Variants in KCNH7 observed in about 807,000 individuals in gnomAD.
The protein encoded by KCNH7 is voltage-gated inwardly rectifying potassium channel KCNH7.
A neutral mutation model predicts 120.8 loss-of-function variants in KCNH7; 49 were observed. That is an observed-to-expected ratio of 0.41 (90% CI 0.32 to 0.51). KCNH7 has a LOEUF of 0.51. KCNH7 is among the 20% of genes least tolerant of loss of function. KCNH7 has a pLI of 0.38. For synonymous variants in KCNH7, 547 were observed against 516.1 expected, an observed-to-expected ratio of 1.06 and a Z score of -0.81; for missense variants, 1,097 against 1,446.6, an observed-to-expected ratio of 0.76 and a Z score of 3.92.
At chr2:162,723,335 T>C (rs530595201) in intron 2 of KCNH7, among the ~76,000 whole-genome samples, 5 of 152,296 alleles carry the variant, frequency 3.3e-5, no homozygotes, top group African/African-American at 1.2e-4. Context: ...TCCTCTCTTG[T>C]GCATGTTTCT....
chr2:162,537,037 G>T lies in KCNH7; in HGVS notation c.351C>A (p.Asn117Lys). 1 of 1,612,458 alleles carries T rather than the reference G, an allele frequency of 6.2e-7. No homozygotes were observed. The highest frequency in any genetic ancestry group is 8.5e-7 in the Non-Finnish European group (1 of 1,178,942). Residue 117 changes from asparagine (N) to lysine (K), a missense_variant, in exon 3 of 16, where the codon AAC becomes AAA. Asn to Lys is a moderately conservative substitution (Grantham distance 94). Transcript: ENST00000332142. ...TGAACATCATAGCCACGCCCTCTTG[G>T]TTTTTCACTGGAATTATGTGAGTGT... ...ICNTHIIPVKNQEGVAMMFII... is the reference protein window; with the variant it reads ...ICNTHIIPVKKQEGVAMMFII...
chr2:162,567,756 T>C (rs908092444), intron 2 of KCNH7, among the ~76,000 whole-genome samples: 2 of 152,078 alleles, frequency 1.3e-5, no homozygotes, highest in Admixed American at 1.3e-4. Context: ...TACAAATGTA[T>C]GTATGAAACA....
intron 6 of KCNH7, among the ~76,000 whole-genome samples, chr2:162,476,836 G>C (rs995683178): frequency 2.0e-5 from 3 of 152,152 alleles, no homozygotes; most frequent in Admixed American, 6.6e-5. Flanking sequence ...GTTACCTCCA[G>C]TGGAAACACA....
At chr2:162,542,299 T>G (rs1327717307) in intron 2 of KCNH7, among the ~76,000 whole-genome samples, 1 of 151,556 alleles carries the variant, frequency 6.6e-6, no homozygotes, top group South Asian at 2.1e-4. Context: ...GTGCACAATG[T>G]GCAGGTTAGT....
rs1258431571 is a variant in KCNH7 at position 162,536,967 on chromosome 2, G to C, written c.421C>G (p.Pro141Ala). 2 of 1,612,722 alleles carry C rather than the reference G, an allele frequency of 1.2e-6. No homozygotes were observed. The highest frequency in any genetic ancestry group is 1.7e-6 in the Non-Finnish European group (2 of 1,179,120). ...YVTDNENAAT[P>A]ERVNPILPIK... ...GGTAATATTGGGTTTACCCTCTCTG[G>C]GGTGGCAGCGTTTTCATTATCCGTC... The change falls in exon 3 of 16, where the codon CCA becomes GCA. Residue 141 changes from proline to alanine, a missense_variant. Around this residue, in one of 8 missense-constraint regions of KCNH7, gnomAD observed 362 missense variants for 372.2 expected, o/e 0.97. Transcript: ENST00000332142.
intron 2 of KCNH7, among the ~76,000 whole-genome samples, chr2:162,644,057 T>G (rs940088029): frequency 9.2e-5 from 14 of 152,018 alleles, no homozygotes; most frequent in African/African-American, 3.4e-4. Context: ...CTGTGGTATG[T>G]TTCTTTCTTA....
intron 2 of KCNH7, among the ~76,000 whole-genome samples, chr2:162,786,561 G>T (rs1217429276): frequency 1.3e-5 from 2 of 152,108 alleles, no homozygotes; most frequent in African/African-American, 4.8e-5. Flanking sequence ...TTAAATAAAT[G>T]TTGGTGTAAT....
chr2:162,527,465 T>A (rs1181643482), intron 3 of KCNH7, among the ~76,000 whole-genome samples: 1 of 152,006 alleles, frequency 6.6e-6, no homozygotes, highest in Non-Finnish European at 1.5e-5. Context: ...GGAAAATTTC[T>A]TTGTTCCTTA....
chr2:162,471,219 G>A (rs148090541), intron 6 of KCNH7, among the ~76,000 whole-genome samples: 245 of 147,024 alleles, frequency 1.7e-3, no homozygotes, highest in African/African-American at 5.8e-3. Context: ...CCCCCTCTGC[G>A]AGAAACACCC....
chr2:162,578,986 T>G (rs1159237555), intron 2 of KCNH7, among the ~76,000 whole-genome samples: 1 of 151,986 alleles, frequency 6.6e-6, no homozygotes, highest in Non-Finnish European at 1.5e-5. Context: ...ACGCATCTAC[T>G]GAAACGCCTA....
At chr2:162,671,360 T>C (rs1685346957) in intron 2 of KCNH7, among the ~76,000 whole-genome samples, 1 of 151,772 alleles carries the variant, frequency 6.6e-6, no homozygotes, top group South Asian at 2.1e-4. Flanking sequence ...ATACCATGGA[T>C]TACTATTCAG....
chr2:162,682,200 T>A (rs1314992366), intron 2 of KCNH7, among the ~76,000 whole-genome samples: 1 of 151,672 alleles, frequency 6.6e-6, no homozygotes, highest in Non-Finnish European at 1.5e-5. Context: ...AATTCATCCA[T>A]TCATTGAAAA....
chr2:162,767,446 G>A (rs1231449877), intron 2 of KCNH7, among the ~76,000 whole-genome samples: 1 of 151,998 alleles, frequency 6.6e-6, no homozygotes, highest in African/African-American at 2.4e-5. Flanking sequence ...GAACTTGAGA[G>A]GTGGAAAGAG....
intron 2 of KCNH7, among the ~76,000 whole-genome samples, chr2:162,653,930 T>C (rs1684652324): frequency 1.3e-5 from 2 of 152,266 alleles, no homozygotes; most frequent in South Asian, 2.1e-4. Flanking sequence ...TTGGTACAAC[T>C]GGCCATCCAC....
At chr2:162,430,094 G>A (rs909204469) in intron 8 of KCNH7, among the ~76,000 whole-genome samples, 3 of 151,720 alleles carry the variant, frequency 2.0e-5, no homozygotes, top group Admixed American at 6.6e-5. Context: ...AACCACTTGA[G>A]GATCTGCTTG....
Position 162,384,799 on chromosome 2 carries a change from C to T in KCNH7, c.2851G>A (p.Gly951Arg), listed in dbSNP as rs778917696. Residue 951 changes from glycine to arginine, a missense_variant, in exon 13 of 16, where the codon GGA becomes AGA. Physicochemically the swap from Gly to Arg is moderately radical, Grantham distance 125. Around this residue, in one of 8 missense-constraint regions of KCNH7, gnomAD observed 406 missense variants for 410.5 expected, o/e 0.99. Transcript: ENST00000332142. The stretch of plus-strand genomic sequence containing the variant: ...ATTCCTGGAGAAGAGTCTACTATTC[C>T]TGAGAAGAGCGGCTTTTGTTCATCA... ...IDDEQKPLFS[G>R]IVDSSPGIGK... is the part of the protein sequence containing the mutation. The T allele has an allele frequency of 4.3e-6, 7 of 1,612,724 alleles. No individual in the cohort carries two copies. The highest frequency in any genetic ancestry group is 5.9e-6 in the Non-Finnish European group (7 of 1,179,150).
intron 2 of KCNH7, among the ~76,000 whole-genome samples, chr2:162,714,842 T>G (rs2105363885): frequency 6.6e-6 from 1 of 152,330 alleles, no homozygotes; most frequent in South Asian, 2.1e-4. Context: ...TTTCAATCGT[T>G]TAAAAATGTA....
intron 2 of KCNH7, among the ~76,000 whole-genome samples, chr2:162,585,614 T>C (rs1321183775): frequency 6.6e-6 from 1 of 152,014 alleles, no homozygotes; most frequent in East Asian, 1.9e-4. Flanking sequence ...TAAAATATCT[T>C]ATATAACCAA....
At chr2:162,559,944 A>G (rs1316860547) in intron 2 of KCNH7, among the ~76,000 whole-genome samples, 2 of 152,214 alleles carry the variant, frequency 1.3e-5, no homozygotes, top group Non-Finnish European at 2.9e-5. Context: ...AACGGGGTAG[A>G]ACATGTTCTC....
Sources: allele counts gnomAD v4.1 joint callset (sites outside exome capture counted in the v4.1 genomes callset), GRCh38; gene constraint gnomAD v4.1.1; regional missense constraint gnomAD v4.1.1; transcripts MANE v1.5; gene names NCBI Gene and HGNC (gene_info 2026-07-23, HGNC 2026-07-21).